Variants in PLCH1 observed in about 807,000 individuals in gnomAD.
The protein encoded by PLCH1 is 1-phosphatidylinositol 4,5-bisphosphate phosphodiesterase eta-1.
A neutral mutation model predicts 126.7 loss-of-function variants in PLCH1; 60 were observed. That is an observed-to-expected ratio of 0.47 (90% CI 0.38 to 0.59). The LOEUF (loss-of-function observed/expected upper bound fraction) is 0.59. Ranked by LOEUF, PLCH1 falls within the 20% of genes least tolerant of loss-of-function variation. PLCH1 has a pLI of 0.00. For missense variants in PLCH1, 1,723 were observed against 2,040.0 expected (o/e 0.84, Z 2.99); for synonymous variants, 719 against 734.9 (o/e 0.98, Z 0.35).
At chr3:155,562,467 T>C (rs921887614) in intron 8 of PLCH1, among the ~76,000 whole-genome samples, 6 of 152,190 alleles carry the variant, frequency 3.9e-5, no homozygotes, top group Non-Finnish European at 5.9e-5. Context: ...CACCAATACC[T>C]TGAAGATATT....
intron 18 of PLCH1, among the ~76,000 whole-genome samples, chr3:155,491,494 C>T (rs573714359): frequency 3.9e-5 from 6 of 152,152 alleles, no homozygotes; most frequent in South Asian, 2.1e-4. Context: ...AACTCCTGAG[C>T]TCAGGCAATC....
intron 2 of PLCH1, among the ~76,000 whole-genome samples, chr3:155,627,828 C>T (rs556916759): frequency 6.7e-6 from 1 of 150,044 alleles, no homozygotes; most frequent in South Asian, 2.1e-4. Flanking sequence ...AGTGCAGTGG[C>T]ACAATCTTGG....
intron 4 of PLCH1, among the ~76,000 whole-genome samples, chr3:155,588,469 T>C (rs573385036): frequency 1.3e-5 from 2 of 152,328 alleles, no homozygotes; most frequent in Admixed American, 6.5e-5. Flanking sequence ...ACAAAGTACA[T>C]GGCTGGAGTT....
chr3:155,521,240 T>C (rs562084873), intron 11 of PLCH1, among the ~76,000 whole-genome samples: 1 of 152,332 alleles, frequency 6.6e-6, no homozygotes, highest in Non-Finnish European at 1.5e-5. Context: ...TAGTACACTA[T>C]ATATTTTACT....
Position 155,505,283 on chromosome 3 carries a change from G to A in PLCH1, c.1633-657C>T, listed in dbSNP as rs74655726. On this transcript the variant is annotated intron_variant, in intron 12 of 22. Coordinates refer to ENST00000460012, the MANE Select transcript of PLCH1 (RefSeq NM_014996.4). ...TTTCCTCACATAGGTTAATTTTCCA[G>A]TTAGAGATACTGGGCCAACTCTCTT... Among the ~76,000 whole-genome samples the A allele has an allele frequency of 9.4e-3, 1,432 of 152,270 alleles. 20 individuals are homozygous for A. The highest frequency in any genetic ancestry group is 0.032 in the African/African-American group (1,328 of 41,540).
intron 2 of PLCH1, among the ~76,000 whole-genome samples, chr3:155,607,881 G>A (rs2108712359): frequency 6.6e-6 from 1 of 152,316 alleles, no homozygotes; most frequent in Non-Finnish European, 1.5e-5. Context: ...TCTGCTCCAA[G>A]AACCACTGCA....
At chr3:155,543,217 A>C (rs1724650522) in intron 10 of PLCH1, among the ~76,000 whole-genome samples, 1 of 152,262 alleles carries the variant, frequency 6.6e-6, no homozygotes, top group Non-Finnish European at 1.5e-5. Context: ...CTGAAAGCCA[A>C]GGCTCAAGAA....
intron 2 of PLCH1, among the ~76,000 whole-genome samples, chr3:155,683,010 T>C (rs1012501968): frequency 6.6e-6 from 1 of 152,232 alleles, no homozygotes; most frequent in Non-Finnish European, 1.5e-5. Context: ...ACAGAACATG[T>C]CCTATAGATC....
chr3:155,503,128 T>C (rs1401713388), intron 13 of PLCH1, among the ~76,000 whole-genome samples: 1 of 152,208 alleles, frequency 6.6e-6, no homozygotes, highest in East Asian at 1.9e-4. Flanking sequence ...ACACTGGTCA[T>C]AAGTGTGCAG....
intron 2 of PLCH1, among the ~76,000 whole-genome samples, chr3:155,608,600 C>T (rs1283993464): frequency 6.6e-6 from 1 of 152,112 alleles, no homozygotes; most frequent in Non-Finnish European, 1.5e-5. Flanking sequence ...GCCAGCTTTC[C>T]CCCACTTCTC....
chr3:155,599,015 GC>G (rs1282246545), intron 2 of PLCH1, among the ~76,000 whole-genome samples: 1 of 80,270 alleles, frequency 1.2e-5, no homozygotes, highest in African/African-American at 5.3e-5. Flanking sequence ...CTCTCCACCC[GC>G]CCCCCTCCCC....
chr3:155,627,636 AAAAAAAAAAACAAATTG>A (rs1737481939), intron 2 of PLCH1, among the ~76,000 whole-genome samples: 1 of 133,302 alleles, frequency 7.5e-6, no homozygotes, highest in African/African-American at 3.1e-5. Flanking sequence ...TCCACCTCAA[AAAAAAAAAAACAAATTG>A]AAAAAAATCT....
intron 2 of PLCH1, among the ~76,000 whole-genome samples, chr3:155,623,594 G>GAAAT (rs1216233912): frequency 6.6e-6 from 1 of 152,130 alleles, no homozygotes; most frequent in Non-Finnish European, 1.5e-5. Context: ...CAATCCCACA[G>GAAAT]AAATACAAAC....
intron 11 of PLCH1, among the ~76,000 whole-genome samples, chr3:155,519,781 T>TAAA (rs66772251): frequency 8.0e-6 from 1 of 124,606 alleles, no homozygotes; most frequent in African/African-American, 3.0e-5. Context: ...ACCTTTGCTT[T>TAAA]AAAAAAAAAA....
At chr3:155,685,714 C>A (rs1037169827) in intron 2 of PLCH1, among the ~76,000 whole-genome samples, 1 of 152,172 alleles carries the variant, frequency 6.6e-6, no homozygotes, top group Non-Finnish European at 1.5e-5. Context: ...AAGTTCCTAG[C>A]CCAGCATATA....
chr3:155,642,741 T>C (rs1739552593), intron 2 of PLCH1, among the ~76,000 whole-genome samples: 1 of 152,238 alleles, frequency 6.6e-6, no homozygotes, highest in African/African-American at 2.4e-5. Context: ...ATTTAGGCTA[T>C]GATTTTTCTG....
intron 2 of PLCH1, among the ~76,000 whole-genome samples, chr3:155,626,019 C>G (rs1737196375): frequency 6.6e-6 from 1 of 152,150 alleles, no homozygotes; most frequent in African/African-American, 2.4e-5. Flanking sequence ...AAATGTGGCA[C>G]ATATACAGCA....
chr3:155,560,426 T>C (rs535472337), intron 8 of PLCH1, among the ~76,000 whole-genome samples: 2 of 152,332 alleles, frequency 1.3e-5, no homozygotes, highest in Admixed American at 6.5e-5. Context: ...ATCTTCATTA[T>C]TCAGTTGTTT....
intron 4 of PLCH1, among the ~76,000 whole-genome samples, chr3:155,592,224 C>T (rs1298868887): frequency 6.7e-6 from 1 of 150,004 alleles, no homozygotes; most frequent in Non-Finnish European, 1.5e-5. Flanking sequence ...GTGGCTTACG[C>T]CTGTAATCCC....
Sources: gnomAD v4.1 joint callset for allele counts (sites outside exome capture counted in the v4.1 genomes callset) on GRCh38, gnomAD v4.1.1 for gene constraint, MANE v1.5 for transcripts, NCBI Gene and HGNC (gene_info 2026-07-23, HGNC 2026-07-21) for gene names.